The following CELSR3 variants were observed in gnomAD, a reference collection of about 807,000 sequenced individuals.
CELSR3 encodes the protein EGF-like protein 1.
CELSR3 carries 73 observed loss-of-function variants against 270.0 expected under a neutral mutation model. The observed-to-expected ratio is 0.27, with a 90% CI of 0.22 to 0.33. The LOEUF (loss-of-function observed/expected upper bound fraction) is 0.33, where lower values mean the gene tolerates loss of function less well. CELSR3 is among the 10% of genes least tolerant of loss of function. The probability of loss-of-function intolerance (pLI) is 1.00; values close to 1 mark genes in which losing one functional copy is unlikely to be tolerated. For missense variants in CELSR3, 3,614 were observed against 4,533.8 expected (o/e 0.80, Z 5.83); for synonymous variants, 1,780 against 1,905.4 (o/e 0.93, Z 1.71).
At chr3:48,643,728 G>C (rs1254974911) in intron 27 of CELSR3, 51 bp from the exon 28 acceptor site, 1 of 1,541,352 alleles carries the variant, frequency 6.5e-7, no homozygotes, top group Non-Finnish European at 8.8e-7. Context: ...GCTCATGTAG[G>C]ACTCATGCAG....
chr3:48,650,432 C>CCGGGGGGGGGGGGGGGGG lies in CELSR3; in HGVS notation c.6472+47_6472+48insCCCCCCCCCCCCCCCCCG. 2 of 1,208,940 alleles carry CCGGGGGGGGGGGGGGGGG rather than the reference C, an allele frequency of 1.7e-6. No homozygotes were observed. The highest frequency in any genetic ancestry group is 2.8e-5 in the East Asian group (1 of 35,582). The allele number at this position is 1,208,940 out of a possible 1,614,324, so 74.9% of individuals were successfully genotyped here. ...AGACATGGCTCTAGCAGTCAGAGTACAGGCCCACCCCCACCCTCAGTGATG... is the reference window on the plus strand; with the variant it reads ...AGACATGGCTCTAGCAGTCAGAGTACCGGGGGGGGGGGGGGGGGAGGCCCACCCCCACCCTCAGTGATG... On this transcript the variant is annotated intron_variant, in intron 16 of 34. Transcript: ENST00000164024. The surrounding 1 kb of genome is among the most constrained non-coding windows in gnomAD (Gnocchi z 5.1).
Position 48,638,201 on chromosome 3 carries a change from C to G in CELSR3, c.*4G>C, listed in dbSNP as rs757863136. The G allele has an allele frequency of 6.2e-7, 1 of 1,612,362 alleles. No individual in the cohort carries two copies. The highest frequency in any genetic ancestry group is 1.3e-5 in the African/African-American group (1 of 74,862). ...AGCTGTTCCTCGTCCACGCCGTCAT[C>G]CCCTCAGGAGTGACCCTCACTTCTG... On this transcript the variant is annotated 3_prime_UTR_variant, in exon 35 of 35. Transcript: ENST00000164024.
rs1258497860 is a variant in CELSR3 at position 48,645,979 on chromosome 3, T to C, written c.7463+111A>G. On this transcript the variant is annotated intron_variant, in intron 22 of 34. Coordinates refer to ENST00000164024, the MANE Select transcript of CELSR3 (RefSeq NM_001407.3). The surrounding 1 kb of genome is among the most constrained non-coding windows in gnomAD (Gnocchi z 5.4). ...TGGAGTTGGGGTACAGCATTCCTCA[T>C]GGTCCGGGTTGCACAACAGCACTAG... The C allele has an allele frequency of 4.5e-6, 7 of 1,570,372 alleles. No homozygotes were observed. Among genetic ancestry groups the C allele is most frequent in the African/African-American group, 1.4e-5 (1 of 73,932 alleles).
In CELSR3 at chr3:48,653,621, G is replaced by A. The variant is rs1294311210; in HGVS notation, c.5446C>T (p.Gln1816Ter). 1 of 1,613,774 alleles carries A rather than the reference G, an allele frequency of 6.2e-7. No individual in the cohort carries two copies. Among genetic ancestry groups the A allele is most frequent in the East Asian group, 2.2e-5 (1 of 44,884 alleles). Residue 1816 changes from glutamine (Q) to a stop codon, truncating the protein, a stop_gained and splice_region_variant, in exon 9 of 35, where the codon CAG becomes TAG. Transcript: ENST00000164024. LOFTEE classifies it high-confidence loss of function. The surrounding 1 kb of genome is among the most constrained non-coding windows in gnomAD (Gnocchi z 6.5). ...QAGPHSTLLC[Q>*]LDRGLLSVTV... is the part of the protein sequence containing the mutation. ...AGGGGTGAGCAGGGTGGACACACCTGGCAAAGGAGCGTGCTGTGTGGCCCA... is the reference window on the plus strand; with the variant it reads ...AGGGGTGAGCAGGGTGGACACACCTAGCAAAGGAGCGTGCTGTGTGGCCCA...
At chr3:48,638,307 C>T (rs992974899) in intron 34 of CELSR3, 75 bp from the exon 35 acceptor site, 22 of 1,119,454 alleles carry the variant, frequency 2.0e-5, no homozygotes, top group Admixed American at 3.4e-5. Flanking sequence ...TCCCCCACCA[C>T]ATTTGGCCTG....
chr3:48,646,018 G>A lies in CELSR3; in HGVS notation c.7463+72C>T. 6.3e-7 allele frequency: 1 copy of A among 1,589,606 alleles called. No homozygotes were observed. Among genetic ancestry groups the A allele is most frequent in the Non-Finnish European group, 8.6e-7 (1 of 1,164,564 alleles). On this transcript the variant is annotated intron_variant, in intron 22 of 34. Transcript: ENST00000164024. The surrounding 1 kb of genome is among the most constrained non-coding windows in gnomAD (Gnocchi z 4.8). ...CAACAGCACTAGTGGGGGCCCCAGGGGAAGGCTGGGACTATTAGTTGGCCT... is the reference window on the plus strand; with the variant it reads ...CAACAGCACTAGTGGGGGCCCCAGGAGAAGGCTGGGACTATTAGTTGGCCT...
At position 48,639,012 on chromosome 3, in the gene CELSR3, T is replaced by C. The variant is rs757777360; in HGVS notation, c.9911+662A>G. On this transcript the variant is annotated intron_variant, in intron 34 of 34. Coordinates refer to ENST00000164024, the MANE Select transcript of CELSR3 (RefSeq NM_001407.3). The surrounding 1 kb of genome is among the most constrained non-coding windows in gnomAD (Gnocchi z 4.1). ...AAGAGACCTGGAAGCTCCTGGTTCC[T>C]CCCCACTCCCACCAGTCCCTCTCGG... Among the ~76,000 whole-genome samples the C allele has an allele frequency of 6.6e-6, 1 of 151,604 alleles. No individual in the cohort carries two copies. The highest frequency in any genetic ancestry group is 1.5e-5 in the Non-Finnish European group (1 of 67,952).
intron 3 of CELSR3, 48 bp downstream of exon 3, chr3:48,656,092 G>A (rs1559480742): frequency 7.4e-7 from 1 of 1,343,130 alleles, no homozygotes; most frequent in East Asian, 3.3e-5. Flanking sequence ...GTCAGGGCGG[G>A]TAGGTGGGGG....
Position 48,646,972 on chromosome 3 carries a change from C to A in CELSR3, c.7130-44G>T. The A allele has an allele frequency of 6.8e-7, 1 of 1,469,046 alleles. No homozygotes were observed. Among genetic ancestry groups the A allele is most frequent in the South Asian group, 1.4e-5 (1 of 72,724 alleles). 91.0% of individuals were successfully genotyped at this position (1,469,046 alleles called of 1,614,324 possible). ...GAGCTTCTGTCAGTGACCTTTGACCCAAAGCACCCACCAACCCAGCTCTGA... is the reference window on the plus strand; with the variant it reads ...GAGCTTCTGTCAGTGACCTTTGACCAAAAGCACCCACCAACCCAGCTCTGA... On this transcript the variant is annotated intron_variant, in intron 20 of 34. Transcript: ENST00000164024. This position sits in a 1 kb window ranked among gnomAD's most constrained non-coding sequence, Gnocchi z 4.8.
chr3:48,662,050 G>C lies in CELSR3; in HGVS notation c.585C>G (p.Ser195=). 6.2e-7 allele frequency: 1 copy of C among 1,614,136 alleles called. No individual in the cohort carries two copies. Among genetic ancestry groups the C allele is most frequent in the Non-Finnish European group, 8.5e-7 (1 of 1,180,036 alleles). ...VSSQRNAGTG[S]RKRVGTARCC... is the part of the protein sequence containing the mutation. Reference sequence around the variant, plus strand: ...AGCGCGCGGTGCCCACTCTTTTGCGGGAGCCTGTCCCAGCGTTCCGCTGGG... The same window carrying C: ...AGCGCGCGGTGCCCACTCTTTTGCGCGAGCCTGTCCCAGCGTTCCGCTGGG... Residue 195 remains serine, a synonymous_variant, in exon 1 of 35, where the codon TCC becomes TCG. Transcript: ENST00000164024. This position sits in a 1 kb window ranked among gnomAD's most constrained non-coding sequence, Gnocchi z 7.1.
At position 48,651,611 on chromosome 3, in the gene CELSR3, C is replaced by T. The variant is rs2047137838; in HGVS notation, c.6031G>A (p.Val2011Met). The change falls in exon 13 of 35, where the codon GTG becomes ATG. Residue 2011 changes from valine to methionine, a missense_variant. Transcript: ENST00000164024. The surrounding 1 kb of genome is among the most constrained non-coding windows in gnomAD (Gnocchi z 7.4). The part of the protein sequence containing the change: ...GAPHGYTCDC[V>M]GGYFGHHCEH... ...CAGTGGTGCCCGAAATAGCCACCCA[C>T]ACAGTCACAGGTATAGCCATGGGGG... 4 of 1,585,216 alleles carry T rather than the reference C, an allele frequency of 2.5e-6. No individual in the cohort carries two copies. The highest frequency in any genetic ancestry group is 3.4e-6 in the Non-Finnish European group (4 of 1,163,416).
chr3:48,641,992 C>A lies in CELSR3; in HGVS notation c.8683G>T (p.Asp2895Tyr). The A allele has an allele frequency of 6.4e-7, 1 of 1,552,456 alleles. No individual in the cohort carries two copies. Among genetic ancestry groups the A allele is most frequent in the South Asian group, 1.2e-5 (1 of 81,904 alleles). Residue 2895 changes from aspartate (D) to tyrosine (Y), a missense_variant, in exon 32 of 35, where the codon GAC (aspartate) becomes TAC (tyrosine). Physicochemically the swap from Asp to Tyr is radical, Grantham distance 160. Around this residue, in one of 7 missense-constraint regions of CELSR3, gnomAD observed 1,240 missense variants for 1,351.7 expected, o/e 0.92. Coordinates refer to ENST00000164024, the MANE Select transcript of CELSR3 (RefSeq NM_001407.3). The surrounding 1 kb of genome is among the most constrained non-coding windows in gnomAD (Gnocchi z 4.8). ...HRDAGADSDS[D>Y]SDLSLEEERS... is the part of the protein sequence containing the mutation. ...TCCTCCTCCAAGGACAGGTCACTGT[C>A]AGAGTCGGAGTCTGCGCCTGGAGTT...
rs2077049829 is a variant in CELSR3 at position 48,659,461 on chromosome 3, C to T, written c.3174G>A (p.Gln1058=). The change falls in exon 1 of 35, where the codon CAG becomes CAA. Residue 1058 remains glutamine, a synonymous_variant. Coordinates refer to ENST00000164024, the MANE Select transcript of CELSR3 (RefSeq NM_001407.3). This position sits in a 1 kb window ranked among gnomAD's most constrained non-coding sequence, Gnocchi z 8.1. ...RTPVSIQVMV[Q]DVNDNAPVFP... ...AGACAGGTGCATTGTCGTTCACATC[C>T]TGCACCATCACCTGGATACTGACTG... 1 of 1,614,228 alleles carries T rather than the reference C, an allele frequency of 6.2e-7. No individual in the cohort carries two copies. The highest frequency in any genetic ancestry group is 1.3e-5 in the African/African-American group (1 of 75,052).
At position 48,661,815 on chromosome 3, in the gene CELSR3, T is replaced by G; in HGVS notation, c.820A>C (p.Lys274Gln). ...ESRTAPEPAPKRMRSRGLFRC... is the reference protein window; with the variant it reads ...ESRTAPEPAPQRMRSRGLFRC... Reference sequence around the variant, plus strand: ...AAGAGACCCCGGGAGCGCATGCGCTTGGGCGCCGGCTCGGGAGCTGTCCGA... The same window carrying G: ...AAGAGACCCCGGGAGCGCATGCGCTGGGGCGCCGGCTCGGGAGCTGTCCGA... The change falls in exon 1 of 35, where the codon AAG becomes CAG. Residue 274 changes from lysine (K) to glutamine (Q), a missense_variant. This residue lies in a region of CELSR3 where 470 missense variants were observed against 469.7 expected (regional missense o/e 1.00). Coordinates refer to ENST00000164024, the MANE Select transcript of CELSR3 (RefSeq NM_001407.3). 1 of 1,609,266 alleles carries G rather than the reference T, an allele frequency of 6.2e-7. No individual in the cohort carries two copies. Among genetic ancestry groups the G allele is most frequent in the Non-Finnish European group, 8.5e-7 (1 of 1,179,426 alleles).
At position 48,645,557 on chromosome 3, in the gene CELSR3, C is replaced by G. The variant is rs778608594; in HGVS notation, c.7683G>C (p.Leu2561=). The G allele has an allele frequency of 2.5e-6, 4 of 1,612,664 alleles. No homozygotes were observed. Among genetic ancestry groups the G allele is most frequent in the South Asian group, 2.2e-5 (2 of 91,082 alleles). ...TGGACTTGAGGCTGCGCAGGCTCAGCAGGATGGCTGCAGTCAGCACCAGCG... is the reference window on the plus strand; with the variant it reads ...TGGACTTGAGGCTGCGCAGGCTCAGGAGGATGGCTGCAGTCAGCACCAGCG... ...VAALVLTAAI[L]LSLRSLKSNV... The change falls in exon 24 of 35, where the codon CTG becomes CTC. Residue 2561 remains leucine (L), a synonymous_variant. Coordinates refer to ENST00000164024, the MANE Select transcript of CELSR3 (RefSeq NM_001407.3). This position sits in a 1 kb window ranked among gnomAD's most constrained non-coding sequence, Gnocchi z 5.4.
Position 48,662,209 on chromosome 3 carries a change from G to A in CELSR3, c.426C>T (p.Cys142=). 2 of 1,613,040 alleles carry A rather than the reference G, an allele frequency of 1.2e-6. No individual in the cohort carries two copies. The highest frequency in any genetic ancestry group is 1.7e-6 in the Non-Finnish European group (2 of 1,179,808). The change falls in exon 1 of 35, where the codon TGC becomes TGT. Residue 142 remains cysteine, a synonymous_variant. Coordinates refer to ENST00000164024, the MANE Select transcript of CELSR3 (RefSeq NM_001407.3). This position sits in a 1 kb window ranked among gnomAD's most constrained non-coding sequence, Gnocchi z 7.1. ...VLYWRPEVSS[C]GRTGPLQRGS... is the part of the protein sequence containing the mutation. ...CTCTTTGCAAAGGTCCTGTCCGCCC[G>A]CAAGAGGAGACCTCTGGGCGCCAGT...
Position 48,648,249 on chromosome 3 carries a change from C to T in CELSR3, c.6973+17G>A, listed in dbSNP as rs2047105981. On this transcript the variant is annotated intron_variant, in intron 19 of 34. Transcript: ENST00000164024. ...GGCCCCCCTGCTGTGCCCCGCCCTA[C>T]CCCACCCACAACGCACTGATATTAG... 3 of 728,354 alleles carry T rather than the reference C, an allele frequency of 4.1e-6. No individual in the cohort carries two copies. The highest frequency in any genetic ancestry group is 8.6e-5 in the East Asian group (2 of 23,278). 45.1% of individuals were successfully genotyped at this position (728,354 alleles called of 1,614,324 possible).
rs992351104 is a variant in CELSR3 at position 48,642,191 on chromosome 3, G to A, written c.8665+167C>T. On this transcript the variant is annotated intron_variant, in intron 31 of 34. Transcript: ENST00000164024. This position sits in a 1 kb window ranked among gnomAD's most constrained non-coding sequence, Gnocchi z 6.1. ...TATCAGAGGGAAGGACGAATCAGGA[G>A]TGGACTGGGAGAACCAGGGCTGGAG... 13 of 880,394 alleles carry A rather than the reference G, an allele frequency of 1.5e-5. No homozygotes were observed. The African/African-American group carries it at 2.0e-4, about 14-fold the overall frequency. 54.5% of individuals were successfully genotyped at this position (880,394 alleles called of 1,614,324 possible). A position where few individuals can be genotyped will look rare whatever the true frequency, so the allele number is the denominator to read the frequency against.
intron 28 of CELSR3, 157 bp from the exon 29 acceptor site, chr3:48,643,240 G>A: frequency 1.6e-6 from 1 of 640,212 alleles, no homozygotes; most frequent in Non-Finnish European, 2.7e-6. Context: ...AAGGTCAGCA[G>A]GGGAGAGGAT....
Sources: gnomAD v4.1 joint callset for allele counts (sites outside exome capture counted in the v4.1 genomes callset) on GRCh38, gnomAD v4.1.1 for gene constraint, gnomAD v4.1.1 regional missense constraint, Gnocchi (gnomAD v3.1) non-coding constraint, MANE v1.5 for transcripts, NCBI Gene and HGNC (gene_info 2026-07-23, HGNC 2026-07-21) for gene names.